The following MYO16 variants were observed in gnomAD, a reference collection of about 807,000 sequenced individuals.
MYO16 encodes the protein unconventional myosin-XVI.
MYO16 carries 94 observed loss-of-function variants against 205.3 expected under a neutral mutation model. That is an observed-to-expected ratio of 0.46 (90% CI 0.39 to 0.54). The LOEUF is 0.54. Among genes scored for constraint, MYO16 ranks in the 20% least tolerant of loss-of-function variants. MYO16 has a pLI of 0.00. For synonymous variants in MYO16, 988 were observed against 954.0 expected (o/e 1.04, Z -0.66); for missense variants, 2,315 against 2,387.5 (o/e 0.97, Z 0.63).
At chr13:108,971,245 A>G (rs1438491251) in intron 20 of MYO16, among the ~76,000 whole-genome samples, 1 of 151,938 alleles carries the variant, frequency 6.6e-6, no homozygotes, top group Non-Finnish European at 1.5e-5. Context: ...TTGGGCAAGT[A>G]CAGGGTTATA....
chr13:108,761,487 C>G (rs150210991), intron 4 of MYO16, among the ~76,000 whole-genome samples: 2,710 of 152,218 alleles, frequency 0.018, 35 homozygotes, highest in South Asian at 0.035. Context: ...CTGTTACCAT[C>G]TATGCACAGG....
Position 109,086,877 on chromosome 13 carries a change from G to T in MYO16, c.3336-13908G>T, listed in dbSNP as rs569533137. On this transcript the variant is annotated intron_variant, in intron 27 of 34. Coordinates refer to ENST00000457511, the MANE Select transcript of MYO16 (RefSeq NM_001198950.3). ...TTATTTGTATTAAATTGATCATTCT[G>T]ATATGTTCTGAAAATGTACATATCT... Among the ~76,000 whole-genome samples, 11 of 152,286 alleles carry T rather than the reference G, an allele frequency of 7.2e-5. No individual in the cohort carries two copies. In the South Asian group the frequency reaches 2.3e-3, roughly 32 times the overall value.
intron 2 of MYO16, among the ~76,000 whole-genome samples, chr13:108,687,701 CA>C (rs1882733239): frequency 6.6e-6 from 1 of 152,088 alleles, no homozygotes; most frequent in South Asian, 2.1e-4. Context: ...ATGTAAATTC[CA>C]AAATACTGAT....
intron 6 of MYO16, among the ~76,000 whole-genome samples, chr13:108,805,201 G>GT (rs1887078265): frequency 6.6e-6 from 1 of 152,034 alleles, no homozygotes; most frequent in South Asian, 2.1e-4. Flanking sequence ...AAATACTTAT[G>GT]GATATATCAT....
chr13:108,845,264 A>G (rs1159497461), intron 10 of MYO16, among the ~76,000 whole-genome samples: 2 of 152,218 alleles, frequency 1.3e-5, no homozygotes, highest in Non-Finnish European at 2.9e-5. Flanking sequence ...CAGATAAACA[A>G]AACATCTGAA....
chr13:108,818,174 A>C (rs2139009839), intron 7 of MYO16, among the ~76,000 whole-genome samples: 1 of 152,226 alleles, frequency 6.6e-6, no homozygotes, highest in East Asian at 1.9e-4. Flanking sequence ...ACTTGAGGTT[A>C]GGAGTTCAAG....
rs1014537713 is a variant in MYO16 at position 109,162,447 on chromosome 13, T to C, written c.5165-2454T>C. Among the ~76,000 whole-genome samples, 6 of 152,170 alleles carry C rather than the reference T, an allele frequency of 3.9e-5. No homozygotes were observed. The highest frequency in any genetic ancestry group is 7.3e-5 in the Non-Finnish European group (5 of 68,040). On this transcript the variant is annotated intron_variant, in intron 32 of 34. Coordinates refer to ENST00000457511, the MANE Select transcript of MYO16 (RefSeq NM_001198950.3). This position sits in a 1 kb window ranked among gnomAD's most constrained non-coding sequence, Gnocchi z 4.6. ...TTGAACATGGTGAGCTCTTTCCTGCTTTGGGGTATTTACACATGGTGTGGA... is the reference window on the plus strand; with the variant it reads ...TTGAACATGGTGAGCTCTTTCCTGCCTTGGGGTATTTACACATGGTGTGGA...
the MYO16 span, among the ~76,000 whole-genome samples, chr13:108,558,461 C>T: frequency 2.6e-5 from 4 of 152,164 alleles, no homozygotes; most frequent in South Asian, 2.1e-4. Flanking sequence ...GTGGGCACCT[C>T]GACTGTGTCT....
chr13:108,549,190 G>A, the MYO16 span, among the ~76,000 whole-genome samples: 1 of 152,216 alleles, frequency 6.6e-6, no homozygotes, highest in Admixed American at 6.5e-5. Context: ...TTGCAAATGA[G>A]ATTAAGTTAG....
chr13:108,883,244 A>C, intron 13 of MYO16, 58 bp downstream of exon 13: 1 of 1,577,940 alleles, frequency 6.3e-7, no homozygotes, highest in Non-Finnish European at 8.6e-7. Context: ...CTTGGCAGTA[A>C]AGATGTACTC....
chr13:108,782,143 T>C (rs563328938), intron 4 of MYO16, among the ~76,000 whole-genome samples: 41 of 152,292 alleles, frequency 2.7e-4, no homozygotes, highest in African/African-American at 9.1e-4. Flanking sequence ...CAGGAAAATG[T>C]GGGAAAGTTT....
chr13:109,181,430 G>C (rs1192580438), intron 34 of MYO16, among the ~76,000 whole-genome samples: 1 of 152,172 alleles, frequency 6.6e-6, no homozygotes, highest in African/African-American at 2.4e-5. Context: ...CACATGCAGG[G>C]AACCAGCTTT....
At chr13:109,192,290 G>C (rs1879955051) in intron 34 of MYO16, among the ~76,000 whole-genome samples, 1 of 152,134 alleles carries the variant, frequency 6.6e-6, no homozygotes. Context: ...ACACTTGCAG[G>C]TGATTTTTAC....
chr13:109,113,614 C>T (rs954555005), intron 28 of MYO16, among the ~76,000 whole-genome samples: 12 of 152,086 alleles, frequency 7.9e-5, no homozygotes, highest in African/African-American at 2.9e-4. Flanking sequence ...GTTCTAGAAA[C>T]CTCAATAGAA....
Position 109,120,399 on chromosome 13 carries a change from C to T in MYO16, c.3468C>T (p.Tyr1156=), listed in dbSNP as rs1295091913. The T allele has an allele frequency of 8.1e-6, 13 of 1,606,496 alleles. No homozygotes were observed. The highest frequency in any genetic ancestry group is 1.1e-5 in the Non-Finnish European group (13 of 1,176,850). ...QMGVRKVFLK[Y]WHADQLNDLC... ...GAGTCCGAAAAGTGTTTCTAAAATA[C>T]TGGCATGCTGACCAACTCAATGATT... The change falls in exon 29 of 35, where the codon TAC becomes TAT. Residue 1156 remains tyrosine, a synonymous_variant. Coordinates refer to ENST00000457511, the MANE Select transcript of MYO16 (RefSeq NM_001198950.3).
intron 27 of MYO16, among the ~76,000 whole-genome samples, chr13:109,079,790 C>T (rs1279585736): frequency 6.6e-6 from 1 of 151,928 alleles, no homozygotes; most frequent in South Asian, 2.1e-4. Flanking sequence ...ATAAATTGCC[C>T]CTGGGGTGTC....
In MYO16 at chr13:108,933,497, ATGTGTG is replaced by A. The variant is rs34277540; in HGVS notation, c.1925+23363_1925+23368del. 1.3e-3 allele frequency among the ~76,000 whole-genome samples: 202 copies of A among 149,736 alleles called. 1 individual carries two copies. Among genetic ancestry groups the A allele is most frequent in the African/African-American group, 4.4e-3 (180 of 41,018 alleles). ...CGATAATGTAAGATCGATTATTTGG[ATGTGTG>A]TGTGTGTGTGTGTGTATGTGTGTGT... is the stretch of plus-strand genomic sequence containing the variant. On this transcript the variant is annotated intron_variant, in intron 16 of 34. Coordinates refer to ENST00000457511, the MANE Select transcript of MYO16 (RefSeq NM_001198950.3).
rs1261759840 is a variant in MYO16, at chr13:108,953,529, C to G, written c.1926-4159C>G. 8.0e-5 allele frequency among the ~76,000 whole-genome samples: 12 copies of G among 149,954 alleles called. No individual in the cohort carries two copies. The South Asian group carries it at 2.5e-3, about 32-fold the overall frequency. On this transcript the variant is annotated intron_variant, in intron 16 of 34. Transcript: ENST00000457511. The stretch of plus-strand genomic sequence containing the variant: ...AACCTATTTTTAATATATTTTTACT[C>G]TGTTTTACCGATAATAAAGATTTAA...
At chr13:108,604,877 A>T (rs1029508811) in intron 1 of MYO16, among the ~76,000 whole-genome samples, 1 of 152,178 alleles carries the variant, frequency 6.6e-6, no homozygotes, top group African/African-American at 2.4e-5. Flanking sequence ...AATGGGTACC[A>T]TATTATTGAG....
Sources: allele counts gnomAD v4.1 joint callset (sites outside exome capture counted in the v4.1 genomes callset), GRCh38; gene constraint gnomAD v4.1.1; non-coding constraint Gnocchi (gnomAD v3.1); transcripts MANE v1.5; gene names NCBI Gene and HGNC (gene_info 2026-07-23, HGNC 2026-07-21).